ZCCHC4: variants seen among roughly 807,000 people sequenced by gnomAD.
ZCCHC4 encodes the protein zinc finger CCHC-type containing 4.
A neutral mutation model predicts 67.7 loss-of-function variants in ZCCHC4; 54 were observed. That is an observed-to-expected ratio of 0.80 (90% CI 0.64 to 1.00). The LOEUF is 1.00. ZCCHC4 is among the 50% of genes least tolerant of loss of function. ZCCHC4 has a pLI of 0.00. For missense variants in ZCCHC4, 609 were observed against 617.0 expected (o/e 0.99, Z 0.14); for synonymous variants, 198 against 213.5 (o/e 0.93, Z 0.63).
intron 6 of ZCCHC4, among the ~76,000 whole-genome samples, chr4:25,348,528 C>T (rs1720132414): frequency 2.0e-5 from 3 of 152,242 alleles, no homozygotes; most frequent in Middle Eastern, 6.8e-3. Flanking sequence ...TGAGCATGTA[C>T]ACTTTTTTCT....
At chr4:25,319,741 T>G (rs573885474) in intron 3 of ZCCHC4, among the ~76,000 whole-genome samples, 1 of 152,200 alleles carries the variant, frequency 6.6e-6, no homozygotes, top group South Asian at 2.1e-4. Context: ...CATTCTCATG[T>G]GTAAGTAGAC....
intron 6 of ZCCHC4, among the ~76,000 whole-genome samples, chr4:25,346,666 T>G (rs191099628): frequency 3.3e-5 from 5 of 152,270 alleles, no homozygotes; most frequent in Admixed American, 3.3e-4. Flanking sequence ...AATTTAGCAT[T>G]GGGATATATA....
intron 7 of ZCCHC4, 85 bp downstream of exon 7, chr4:25,349,727 A>C: frequency 7.1e-7 from 1 of 1,409,412 alleles, no homozygotes; most frequent in Admixed American, 2.1e-5. Flanking sequence ...GAATCAGAGC[A>C]GTGATAGAAT....
At chr4:25,328,828 T>C (rs1199587820) in intron 3 of ZCCHC4, among the ~76,000 whole-genome samples, 2 of 151,874 alleles carry the variant, frequency 1.3e-5, no homozygotes, top group Non-Finnish European at 2.9e-5. Flanking sequence ...AGCGATCCTC[T>C]CACCTTGGCC....
intron 2 of ZCCHC4, 120 bp downstream of exon 2, chr4:25,314,284 A>G (rs1336400621): frequency 1.6e-6 from 1 of 635,050 alleles, no homozygotes; most frequent in Non-Finnish European, 2.7e-6. Flanking sequence ...CTTAAGAGAG[A>G]TGGAGATACT....
intron 8 of ZCCHC4, chr4:25,352,338 G>A (rs1720340682): frequency 1.0e-6 from 1 of 985,252 alleles, no homozygotes; most frequent in South Asian, 4.7e-5. Context: ...CCACTTTCCT[G>A]TATTTTCTTC....
chr4:25,347,987 T>G (rs1435914989), intron 6 of ZCCHC4, among the ~76,000 whole-genome samples: 3 of 151,972 alleles, frequency 2.0e-5, no homozygotes, highest in African/African-American at 7.3e-5. Flanking sequence ...ATGATGCCAT[T>G]GATTCTTACC....
Position 25,316,785 on chromosome 4 carries a change from C to A in ZCCHC4, c.329+1385C>A, listed in dbSNP as rs566528655. The stretch of plus-strand genomic sequence containing the variant: ...GGTTGTCTTTTGACTTTCTTGATGT[C>A]CTTTGAAACACAAGAGTTTTAATTT... On this transcript the variant is annotated intron_variant, in intron 3 of 12. Coordinates refer to ENST00000302874, the MANE Select transcript of ZCCHC4 (RefSeq NM_024936.3). Among the ~76,000 whole-genome samples the A allele has an allele frequency of 1.0e-3, 152 of 152,182 alleles. 1 individual carries two copies. The highest frequency in any genetic ancestry group is 3.5e-3 in the African/African-American group (147 of 41,524).
chr4:25,320,565 T>C (rs1718530365), intron 3 of ZCCHC4, among the ~76,000 whole-genome samples: 1 of 152,244 alleles, frequency 6.6e-6, no homozygotes, highest in Non-Finnish European at 1.5e-5. Flanking sequence ...CCCTGGGGAA[T>C]GTGTTGTAAA....
intron 3 of ZCCHC4, among the ~76,000 whole-genome samples, chr4:25,331,989 A>G (rs1227659648): frequency 1.3e-5 from 2 of 152,244 alleles, no homozygotes; most frequent in African/African-American, 4.8e-5. Flanking sequence ...TTTACACTGC[A>G]GTTCCTGAAT....
Position 25,364,494 on chromosome 4 carries a change from G to A in ZCCHC4, c.1250G>A (p.Cys417Tyr). 1.9e-6 allele frequency: 3 copies of A among 1,556,324 alleles called. No homozygotes were observed. Among genetic ancestry groups the A allele is most frequent in the Non-Finnish European group, 8.6e-7 (1 of 1,157,318 alleles). Residue 417 changes from cysteine to tyrosine, a missense_variant, in exon 11 of 13, where the codon TGT becomes TAT. Coordinates refer to ENST00000302874, the MANE Select transcript of ZCCHC4 (RefSeq NM_024936.3). The part of the protein sequence containing the change: ...KWNHCFLCKK[C>Y]VKPSWIHCSI... ...AACCATTGCTTTCTCTGTAAAAAGT[G>A]TGTAAAGCCTTGTAAGTATTGAGAC...
intron 3 of ZCCHC4, among the ~76,000 whole-genome samples, chr4:25,317,704 C>CAAAAAAAAAAAAAAAA (rs778867924): frequency 1.4e-4 from 10 of 72,348 alleles, no homozygotes; most frequent in African/African-American, 4.0e-4. Context: ...GACGCTGTCA[C>CAAAAAAAAAAAAAAAA]AAAAAAAAAA....
At chr4:25,362,374 T>G (rs1437515135) in intron 10 of ZCCHC4, 73 bp downstream of exon 10, 10 of 986,266 alleles carry the variant, frequency 1.0e-5, no homozygotes, top group Non-Finnish European at 1.4e-5. Context: ...TTTTATTACT[T>G]TTTCAATGTT....
In ZCCHC4 at chr4:25,359,689, G is replaced by T. The variant is rs892105386; in HGVS notation, c.1012-2170G>T. 6.6e-6 allele frequency among the ~76,000 whole-genome samples: 1 copy of T among 152,220 alleles called. No individual in the cohort carries two copies. Among genetic ancestry groups the T allele is most frequent in the Non-Finnish European group, 1.5e-5 (1 of 68,044 alleles). On this transcript the variant is annotated intron_variant, in intron 8 of 12. Transcript: ENST00000302874. The surrounding 1 kb of genome is among the most constrained non-coding windows in gnomAD (Gnocchi z 4.9). ...TAGGAGAGAATTGATAAGCAGCCCAGTGAACTTTGTGGAGACAGTTGTTTC... is the reference window on the plus strand; with the variant it reads ...TAGGAGAGAATTGATAAGCAGCCCATTGAACTTTGTGGAGACAGTTGTTTC...
rs529057254 is a variant in ZCCHC4, at chr4:25,320,158, T to C, written c.329+4758T>C. Among the ~76,000 whole-genome samples, 7 of 152,290 alleles carry C rather than the reference T, an allele frequency of 4.6e-5. No homozygotes were observed. The South Asian group carries it at 1.5e-3, about 32-fold the overall frequency. The stretch of plus-strand genomic sequence containing the variant: ...GTTTCATATGTGTTCAGTTGACATA[T>C]TTACATTTTGTGCCTGAGATTTGCT... On this transcript the variant is annotated intron_variant, in intron 3 of 12. Coordinates refer to ENST00000302874, the MANE Select transcript of ZCCHC4 (RefSeq NM_024936.3).
At position 25,351,706 on chromosome 4, in the gene ZCCHC4, G is replaced by A. The variant is rs1442698408; in HGVS notation, c.1011+17G>A. 2.5e-6 allele frequency: 4 copies of A among 1,572,534 alleles called. No individual in the cohort carries two copies. In the South Asian group the frequency reaches 4.6e-5, roughly 18 times the overall value. ...GATTACCAGGTAGAGTACATATTCT[G>A]TTTTCTGGCATGGTTGGGGAATGGA... On this transcript the variant is annotated intron_variant, in intron 8 of 12. Transcript: ENST00000302874.
chr4:25,316,078 A>G (rs1351389038), intron 3 of ZCCHC4, among the ~76,000 whole-genome samples: 2 of 152,072 alleles, frequency 1.3e-5, no homozygotes, highest in Admixed American at 1.3e-4. Context: ...ACTATACAAT[A>G]TTTGTCCTTT....
intron 8 of ZCCHC4, among the ~76,000 whole-genome samples, chr4:25,354,644 T>A (rs891084626): frequency 6.6e-6 from 1 of 152,138 alleles, no homozygotes; most frequent in Non-Finnish European, 1.5e-5. Flanking sequence ...TCTTTTTCTT[T>A]TGTTACTTTA....
At chr4:25,325,702 C>T (rs934282265) in intron 3 of ZCCHC4, among the ~76,000 whole-genome samples, 3 of 152,104 alleles carry the variant, frequency 2.0e-5, no homozygotes, top group East Asian at 1.9e-4. Flanking sequence ...TTGATTCTTA[C>T]ACTTTGTGCT....
Sources: gnomAD v4.1 joint callset for allele counts (sites outside exome capture counted in the v4.1 genomes callset) on GRCh38, gnomAD v4.1.1 for gene constraint, Gnocchi (gnomAD v3.1) non-coding constraint, MANE v1.5 for transcripts, NCBI Gene and HGNC (gene_info 2026-07-23, HGNC 2026-07-21) for gene names.